Variants in SLC35F1 observed in about 807,000 individuals in gnomAD.
SLC35F1 encodes solute carrier family 35 member F1.
A neutral mutation model predicts 48.7 loss-of-function variants in SLC35F1; 14 were observed. That is an observed-to-expected ratio of 0.29 (90% CI 0.19 to 0.45). The LOEUF is 0.45. SLC35F1 is among the 20% of genes least tolerant of loss of function. The pLI is 1.00. For synonymous variants in SLC35F1, 190 were observed against 202.2 expected, an observed-to-expected ratio of 0.94 and a Z score of 0.51; for missense variants, 404 against 500.0, an observed-to-expected ratio of 0.81 and a Z score of 1.83.
chr6:117,956,338 C>A (rs1165091160), intron 1 of SLC35F1, among the ~76,000 whole-genome samples: 1 of 152,194 alleles, frequency 6.6e-6, no homozygotes, highest in Non-Finnish European at 1.5e-5. Flanking sequence ...AGAAGGTGAG[C>A]AAGCCCTGAT....
intron 1 of SLC35F1, among the ~76,000 whole-genome samples, chr6:118,013,019 C>G (rs1777271186): frequency 6.6e-6 from 1 of 152,036 alleles, no homozygotes. Flanking sequence ...CCTACCCCCA[C>G]CAGAGAACAG....
intron 1 of SLC35F1, among the ~76,000 whole-genome samples, chr6:118,093,308 T>C (rs1304446439): frequency 6.6e-6 from 1 of 151,638 alleles, no homozygotes; most frequent in Non-Finnish European, 1.5e-5. Context: ...AGAGCGAGAC[T>C]CCATCTCAAA....
chr6:118,228,313 A>AGTTC (rs1159169260), intron 2 of SLC35F1, among the ~76,000 whole-genome samples: 4 of 1,578 alleles, frequency 2.5e-3, no homozygotes, highest in Admixed American at 0.018. Flanking sequence ...TACTAAATGG[A>AGTTC]ATAGTTTTAA....
At chr6:118,015,729 C>A (rs1344519880) in intron 1 of SLC35F1, among the ~76,000 whole-genome samples, 2 of 152,164 alleles carry the variant, frequency 1.3e-5, no homozygotes, top group Admixed American at 1.3e-4. Flanking sequence ...CCATCAAAGA[C>A]CAGACTAAAT....
At chr6:117,979,325 C>T (rs1776745242) in intron 1 of SLC35F1, among the ~76,000 whole-genome samples, 2 of 152,132 alleles carry the variant, frequency 1.3e-5, no homozygotes, top group Admixed American at 1.3e-4. Flanking sequence ...CCTCCGTTAC[C>T]CCATTGGAAG....
chr6:118,114,946 A>C (rs1773456966), intron 1 of SLC35F1, among the ~76,000 whole-genome samples: 1 of 152,184 alleles, frequency 6.6e-6, no homozygotes, highest in African/African-American at 2.4e-5. Flanking sequence ...TGAAAGGATA[A>C]AATGACTGTT....
chr6:118,245,943 C>T (rs968003293), intron 3 of SLC35F1, among the ~76,000 whole-genome samples: 3 of 152,148 alleles, frequency 2.0e-5, no homozygotes, highest in Non-Finnish European at 4.4e-5. Flanking sequence ...ACTTGTTTCT[C>T]CCTTGTCAGT....
chr6:118,036,512 A>G (rs751117791), intron 1 of SLC35F1, among the ~76,000 whole-genome samples: 28 of 152,164 alleles, frequency 1.8e-4, no homozygotes, highest in Non-Finnish European at 3.5e-4. Flanking sequence ...ATAAATGTCA[A>G]TTAGATCAAG....
At chr6:118,261,356 G>A (rs951210135) in intron 3 of SLC35F1, among the ~76,000 whole-genome samples, 1 of 152,112 alleles carries the variant, frequency 6.6e-6, no homozygotes, top group African/African-American at 2.4e-5. Context: ...CTGCAAAATG[G>A]CCAACTATCT....
chr6:118,281,912 T>G (rs1775989238), intron 6 of SLC35F1, among the ~76,000 whole-genome samples: 1 of 152,242 alleles, frequency 6.6e-6, no homozygotes, highest in South Asian at 2.1e-4. Context: ...GATTAATTAC[T>G]GTACATAAAG....
intron 1 of SLC35F1, among the ~76,000 whole-genome samples, chr6:118,122,738 C>T (rs532628924): frequency 9.9e-5 from 15 of 152,062 alleles, no homozygotes; most frequent in Non-Finnish European, 1.8e-4. Context: ...GGCAGGCAGC[C>T]GCAAAGAAAA....
chr6:118,161,007 G>A (rs1468794185), intron 2 of SLC35F1, among the ~76,000 whole-genome samples: 3 of 151,524 alleles, frequency 2.0e-5, no homozygotes, highest in African/African-American at 7.3e-5. Context: ...GTTCTCTACA[G>A]AAATACTACA....
At chr6:117,985,109 G>A (rs1326291211) in intron 1 of SLC35F1, among the ~76,000 whole-genome samples, 1 of 152,198 alleles carries the variant, frequency 6.6e-6, no homozygotes, top group Non-Finnish European at 1.5e-5. Flanking sequence ...AAAGTCTGTA[G>A]TTGCCTGAGC....
intron 1 of SLC35F1, among the ~76,000 whole-genome samples, chr6:118,019,563 A>G (rs1777367017): frequency 6.6e-6 from 1 of 152,144 alleles, no homozygotes; most frequent in Admixed American, 6.5e-5. Context: ...CAGAGGGTGC[A>G]GTGAGCCAAG....
chr6:118,102,101 G>T (rs906964366), intron 1 of SLC35F1, among the ~76,000 whole-genome samples: 5 of 152,196 alleles, frequency 3.3e-5, no homozygotes, highest in African/African-American at 1.2e-4. Flanking sequence ...GAACTGCTGA[G>T]CCCCTTTCAT....
chr6:118,016,131 C>T (rs1427417903), intron 1 of SLC35F1, among the ~76,000 whole-genome samples: 1 of 152,220 alleles, frequency 6.6e-6, no homozygotes, highest in African/African-American at 2.4e-5. Flanking sequence ...GTGAGTTCTA[C>T]TTCTTGAGAA....
At chr6:118,025,539 A>G (rs1777451101) in intron 1 of SLC35F1, among the ~76,000 whole-genome samples, 1 of 152,060 alleles carries the variant, frequency 6.6e-6, no homozygotes, top group Non-Finnish European at 1.5e-5. Context: ...TCCACAATTG[A>G]GTGGGGAGTG....
At chr6:117,925,436 A>G (rs917447675) in intron 1 of SLC35F1, among the ~76,000 whole-genome samples, 6 of 152,216 alleles carry the variant, frequency 3.9e-5, no homozygotes, top group Non-Finnish European at 7.3e-5. Context: ...CAGAGTGGAC[A>G]GAAGGAAACT....
chr6:117,988,054 A>G (rs1562256445), intron 1 of SLC35F1, among the ~76,000 whole-genome samples: 1 of 151,766 alleles, frequency 6.6e-6, no homozygotes, highest in Non-Finnish European at 1.5e-5. Context: ...CATCACTCCA[A>G]ACCTACACTC....
Sources: allele counts gnomAD v4.1 joint callset (sites outside exome capture counted in the v4.1 genomes callset), GRCh38; gene constraint gnomAD v4.1.1; transcripts MANE v1.5; gene names NCBI Gene and HGNC (gene_info 2026-07-23, HGNC 2026-07-21).